MAP3K13: variants seen among roughly 807,000 people sequenced by gnomAD.
MAP3K13 encodes the protein mitogen-activated protein kinase kinase kinase 13.
MAP3K13 carries 52 observed loss-of-function variants against 104.0 expected under a neutral mutation model. That is an observed-to-expected ratio of 0.50 (90% CI 0.40 to 0.63). The LOEUF (loss-of-function observed/expected upper bound fraction) is 0.63. Among genes scored for constraint, MAP3K13 ranks in the 20% least tolerant of loss-of-function variants. The pLI, the probability that MAP3K13 is intolerant of heterozygous loss-of-function variation, is 0.00. For synonymous variants in MAP3K13, 394 were observed against 442.2 expected, an observed-to-expected ratio of 0.89 and a Z score of 1.37; for missense variants, 914 against 1,218.5, an observed-to-expected ratio of 0.75 and a Z score of 3.72.
chr3:185,312,047 C>G (rs1324925848), intron 2 of MAP3K13, among the ~76,000 whole-genome samples: 1 of 152,178 alleles, frequency 6.6e-6, no homozygotes, highest in Admixed American at 6.5e-5. Flanking sequence ...GGGTAAATAG[C>G]CACTGTGTCT....
In MAP3K13 at chr3:185,487,629, C is replaced by T. The variant is rs766767835; in HGVS notation, c.*5173C>T. The T allele has an allele frequency of 2.6e-5, 4 of 152,078 alleles. No individual in the cohort carries two copies. Among genetic ancestry groups the T allele is most frequent in the Non-Finnish European group, 5.9e-5 (4 of 68,036 alleles). 9.4% of individuals were successfully genotyped at this position (152,078 alleles called of 1,614,324 possible). A position where few individuals can be genotyped will look rare whatever the true frequency, so the allele number is the denominator to read the frequency against. ...ACAGTCCCACTTGAACTTCCTGGAA[C>T]TGAATTCTCCAGAACATAATATTTA... On this transcript the variant is annotated 3_prime_UTR_variant, in exon 14 of 14. Transcript: ENST00000265026.
At chr3:185,407,917 C>T (rs1361487047) in intron 1 of MAP3K13, among the ~76,000 whole-genome samples, 2 of 120,426 alleles carry the variant, frequency 1.7e-5, no homozygotes, top group Non-Finnish European at 1.6e-5. Flanking sequence ...TGCTTTGTCA[C>T]CAAGGCTGGA....
At chr3:185,455,703 G>GAT (rs1716625884) in intron 7 of MAP3K13, among the ~76,000 whole-genome samples, 5 of 12,470 alleles carry the variant, frequency 4.0e-4, no homozygotes, top group South Asian at 3.9e-3. Flanking sequence ...ATATATATAT[G>GAT]AGATATATAT....
chr3:185,410,933 TA>T (rs760936238), intron 1 of MAP3K13, among the ~76,000 whole-genome samples: 1,204 of 118,414 alleles, frequency 0.01, 8 homozygotes, highest in African/African-American at 0.022. Context: ...AGACTCTGTC[TA>T]AAAAAAAAAA....
Position 185,443,450 on chromosome 3 carries a change from T to C in MAP3K13, c.665T>C (p.Val222Ala). ...TGTTTATGTTTTCTTGGAAGGGGTG[T>C]TTGTACTCAGGCCCCATGTTATTGT... ...KHPNIIAFKG[V>A]CTQAPCYCII... Residue 222 changes from valine (V) to alanine (A), a missense_variant, in exon 4 of 14, where the codon GTT (valine) becomes GCT (alanine). By Grantham distance (64) the Val-to-Ala change is moderately conservative. Around this residue, in one of 3 missense-constraint regions of MAP3K13, gnomAD observed 175 missense variants for 321.3 expected, o/e 0.54. Coordinates refer to ENST00000265026, the MANE Select transcript of MAP3K13 (RefSeq NM_004721.5). 6.2e-7 allele frequency: 1 copy of C among 1,609,996 alleles called. No homozygotes were observed. The highest frequency in any genetic ancestry group is 1.7e-4 in the Middle Eastern group (1 of 6,048).
chr3:185,479,236 G>A (rs973406417), intron 12 of MAP3K13, among the ~76,000 whole-genome samples: 2 of 152,192 alleles, frequency 1.3e-5, no homozygotes, highest in African/African-American at 4.8e-5. Flanking sequence ...TGGGCCTCCA[G>A]GGCCACCATG....
At chr3:185,429,560 G>A (rs1453520867) in intron 2 of MAP3K13, among the ~76,000 whole-genome samples, 1 of 152,204 alleles carries the variant, frequency 6.6e-6, no homozygotes, top group Admixed American at 6.5e-5. Flanking sequence ...TGAGGCTACA[G>A]TGAGCTATGA....
intron 10 of MAP3K13, among the ~76,000 whole-genome samples, chr3:185,472,420 C>T (rs940321102): frequency 3.3e-5 from 5 of 151,932 alleles, no homozygotes; most frequent in African/African-American, 9.7e-5. Context: ...ACCATGTTGG[C>T]CAGGATGGTC....
chr3:185,301,867 A>C (rs574813636), intron 2 of MAP3K13, among the ~76,000 whole-genome samples: 1 of 152,276 alleles, frequency 6.6e-6, no homozygotes, highest in East Asian at 1.9e-4. Context: ...TTGATTACTA[A>C]AGTTTTGTAA....
intron 2 of MAP3K13, among the ~76,000 whole-genome samples, chr3:185,432,734 A>G (rs967544726): frequency 1.3e-5 from 2 of 152,192 alleles, no homozygotes; most frequent in African/African-American, 4.8e-5. Context: ...TTTTGTTATT[A>G]TTCTGTAAAC....
Position 185,447,812 on chromosome 3 carries a change from C to T in MAP3K13, c.875C>T (p.Ala292Val), listed in dbSNP as rs763026193. 1.1e-5 allele frequency: 17 copies of T among 1,611,928 alleles called. No homozygotes were observed. The highest frequency in any genetic ancestry group is 4.5e-5 in the East Asian group (2 of 44,860). Residue 292 changes from alanine (A) to valine (V), a missense_variant, in exon 5 of 14, where the codon GCG becomes GTG. Ala to Val is a moderately conservative substitution (Grantham distance 64). Transcript: ENST00000265026. Reference sequence around the variant, plus strand: ...AGTGTTTTAGTGACCCACACAGATGCGGTAAAAATTTCAGATTTTGGTACA... The same window carrying T: ...AGTGTTTTAGTGACCCACACAGATGTGGTAAAAATTTCAGATTTTGGTACA... ...SPNVLVTHTD[A>V]VKISDFGTSK...
chr3:185,378,753 GGACC>G (rs1350490870), intron 1 of MAP3K13, among the ~76,000 whole-genome samples: 1 of 151,362 alleles, frequency 6.6e-6, no homozygotes, highest in African/African-American at 2.4e-5. Flanking sequence ...GACTAGGGAG[GGACC>G]GACGTGTAAA....
chr3:185,340,938 A>G (rs956235324), intron 2 of MAP3K13, among the ~76,000 whole-genome samples: 2 of 152,116 alleles, frequency 1.3e-5, no homozygotes, highest in African/African-American at 4.8e-5. Flanking sequence ...ATTCTCTGCT[A>G]TTTCTTCATA....
intron 2 of MAP3K13, among the ~76,000 whole-genome samples, chr3:185,435,312 A>G (rs1035690473): frequency 4.6e-5 from 7 of 152,118 alleles, no homozygotes; most frequent in South Asian, 4.2e-4. Flanking sequence ...CGCCTGGCCA[A>G]TGATACTGTT....
At chr3:185,399,663 GAAGGA>G (rs1560086046) in intron 1 of MAP3K13, among the ~76,000 whole-genome samples, 3 of 4,976 alleles carry the variant, frequency 6.0e-4, no homozygotes, top group African/African-American at 3.8e-3. Context: ...AAAAAGGAGG[GAAGGA>G]AGGAAGGAAG....
At position 185,447,758 on chromosome 3, in the gene MAP3K13, C is replaced by T. The variant is rs775542566; in HGVS notation, c.852-31C>T. The T allele has an allele frequency of 4.5e-6, 7 of 1,551,398 alleles. No homozygotes were observed. In the African/African-American group the frequency reaches 9.6e-5, roughly 21 times the overall value. ...CATGGTTTTCGTTAGTACTAATGAT[C>T]CAGATGTTTTCTTTTTATTTCTTTT... On this transcript the variant is annotated intron_variant, in intron 4 of 13. Transcript: ENST00000265026.
chr3:185,382,742 T>C (rs13067923), intron 1 of MAP3K13, among the ~76,000 whole-genome samples: 52,385 of 151,932 alleles, frequency 0.34, 9,195 homozygotes, highest in East Asian at 0.41. Context: ...CGGTGGCTCA[T>C]GCCTGTAATC....
chr3:185,308,675 T>A (rs1350764106), intron 2 of MAP3K13, among the ~76,000 whole-genome samples: 1 of 152,220 alleles, frequency 6.6e-6, no homozygotes, highest in Non-Finnish European at 1.5e-5. Flanking sequence ...GTGTTCCACA[T>A]CAAGCTGGAC....
intron 1 of MAP3K13, among the ~76,000 whole-genome samples, chr3:185,384,072 T>G (rs1361718365): frequency 3.3e-5 from 5 of 152,158 alleles, no homozygotes; most frequent in Non-Finnish European, 7.4e-5. Context: ...TGTTTGTATC[T>G]GTTAACCAGC....
Sources: allele counts gnomAD v4.1 joint callset (sites outside exome capture counted in the v4.1 genomes callset), GRCh38; gene constraint gnomAD v4.1.1; regional missense constraint gnomAD v4.1.1; transcripts MANE v1.5; gene names NCBI Gene and HGNC (gene_info 2026-07-23, HGNC 2026-07-21).